RAPGEF5: variants seen among roughly 807,000 people sequenced by gnomAD.
RAPGEF5 encodes the protein Rap guanine nucleotide exchange factor 5, also known as M-Ras-regulated GEF.
In RAPGEF5, 65 loss-of-function variants were observed where a neutral mutation model predicts 125.2. That is an observed-to-expected ratio of 0.52 (90% CI 0.43 to 0.64). The LOEUF (loss-of-function observed/expected upper bound fraction) is 0.64, where lower values mean the gene tolerates loss of function less well. RAPGEF5 is among the 30% of genes least tolerant of loss of function. RAPGEF5 has a pLI of 0.00. For missense variants in RAPGEF5, 958 were observed against 1,048.1 expected, an observed-to-expected ratio of 0.91 and a Z score of 1.19; for synonymous variants, 391 against 385.9, an observed-to-expected ratio of 1.01 and a Z score of -0.16.
chr7:22,356,299 C>T, intron 1 of RAPGEF5: 1 of 976,522 alleles, frequency 1.0e-6, no homozygotes. Context: ...GACACCGGAA[C>T]CCAGGAACTG....
intron 1 of RAPGEF5, among the ~76,000 whole-genome samples, chr7:22,339,434 T>TAAGA (rs1195114288): frequency 6.6e-6 from 1 of 151,958 alleles, no homozygotes; most frequent in South Asian, 2.1e-4. Flanking sequence ...AATGTTTTAG[T>TAAGA]AAGAAAGAAA....
At chr7:22,331,638 G>A (rs760223309) in intron 1 of RAPGEF5, among the ~76,000 whole-genome samples, 4 of 151,854 alleles carry the variant, frequency 2.6e-5, no homozygotes, top group Non-Finnish European at 4.4e-5. Context: ...CCAGCTACTC[G>A]GGATGCTGAG....
At chr7:22,258,955 T>A (rs371413743) in intron 7 of RAPGEF5, among the ~76,000 whole-genome samples, 1 of 152,182 alleles carries the variant, frequency 6.6e-6, no homozygotes, top group African/African-American at 2.4e-5. Flanking sequence ...TTAGATTTGG[T>A]GATGACTTTG....
chr7:22,332,011 G>A (rs7791312), intron 1 of RAPGEF5, among the ~76,000 whole-genome samples: 9,423 of 152,120 alleles, frequency 0.062, 437 homozygotes, highest in African/African-American at 0.13. Context: ...CATGATTCTG[G>A]AGATTGGTTG....
chr7:22,239,769 G>A (rs556437384), intron 7 of RAPGEF5, among the ~76,000 whole-genome samples: 17 of 152,180 alleles, frequency 1.1e-4, no homozygotes, highest in African/African-American at 4.1e-4. Flanking sequence ...TGATAATGTC[G>A]TTAGAGCAAA....
intron 9 of RAPGEF5, among the ~76,000 whole-genome samples, chr7:22,202,085 C>A (rs1418706853): frequency 6.6e-6 from 1 of 152,068 alleles, no homozygotes; most frequent in Non-Finnish European, 1.5e-5. Flanking sequence ...GAACTAAGTC[C>A]GAGGGGTAGG....
intron 18 of RAPGEF5, among the ~76,000 whole-genome samples, chr7:22,147,264 C>A (rs1308405817): frequency 6.6e-6 from 1 of 152,194 alleles, no homozygotes. Context: ...TCTCTCTCCC[C>A]TACCCCCACG....
chr7:22,189,052 T>TAAAA (rs11434267), intron 11 of RAPGEF5, among the ~76,000 whole-genome samples: 2 of 126,170 alleles, frequency 1.6e-5, no homozygotes, highest in Non-Finnish European at 1.6e-5. Context: ...CTCATGAAAT[T>TAAAA]AAAAAAAAAA....
chr7:22,216,054 G>C (rs1322812424), intron 9 of RAPGEF5, among the ~76,000 whole-genome samples: 1 of 152,192 alleles, frequency 6.6e-6, no homozygotes. Flanking sequence ...CCCATTGCTA[G>C]TCACTGAATT....
chr7:22,320,916 T>C (rs6947075), intron 1 of RAPGEF5, among the ~76,000 whole-genome samples: 120,992 of 152,018 alleles, frequency 0.8, 48,724 homozygotes, highest in East Asian at 1. Context: ...CTTAGATGGC[T>C]GGTCACTCGA....
At chr7:22,139,492 G>T (rs979700584) in intron 21 of RAPGEF5, among the ~76,000 whole-genome samples, 1 of 152,204 alleles carries the variant, frequency 6.6e-6, no homozygotes, top group Non-Finnish European at 1.5e-5. Flanking sequence ...GACCTTGTGC[G>T]AACTTGAGTG....
At chr7:22,222,408 T>C (rs534205130) in intron 8 of RAPGEF5, among the ~76,000 whole-genome samples, 2 of 151,490 alleles carry the variant, frequency 1.3e-5, no homozygotes, top group Non-Finnish European at 2.9e-5. Flanking sequence ...CAAGGAAGGG[T>C]TTTCTAGTAA....
intron 11 of RAPGEF5, among the ~76,000 whole-genome samples, chr7:22,180,124 G>A (rs945806299): frequency 1.5e-4 from 23 of 152,086 alleles, no homozygotes; most frequent in Admixed American, 5.9e-4. Context: ...TATACAATGC[G>A]TTAAAACATA....
intron 22 of RAPGEF5, 78 bp from the exon 23 acceptor site, chr7:22,136,203 A>T: frequency 9.6e-7 from 1 of 1,046,538 alleles, no homozygotes; most frequent in Non-Finnish European, 1.4e-6. Context: ...CCTTTGCTAC[A>T]CAATTTGAAC....
chr7:22,188,325 T>C (rs1330176523), intron 11 of RAPGEF5, among the ~76,000 whole-genome samples: 4 of 152,206 alleles, frequency 2.6e-5, no homozygotes, highest in African/African-American at 4.8e-5. Context: ...AGAAGAAAGA[T>C]ATTCTTAATT....
At chr7:22,259,473 T>C (rs1290834148) in intron 7 of RAPGEF5, among the ~76,000 whole-genome samples, 1 of 152,200 alleles carries the variant, frequency 6.6e-6, no homozygotes. Flanking sequence ...TAACATACTC[T>C]TAACACATGA....
chr7:22,342,442 G>C (rs2128387189), intron 1 of RAPGEF5, among the ~76,000 whole-genome samples: 1 of 152,292 alleles, frequency 6.6e-6, no homozygotes. Context: ...CCATTGTCTT[G>C]GGGATTAACA....
Position 22,308,476 on chromosome 7 carries a change from A to G in RAPGEF5, c.543T>C (p.Tyr181=), listed in dbSNP as rs769740962. 13 of 1,566,264 alleles carry G rather than the reference A, an allele frequency of 8.3e-6. No individual in the cohort carries two copies. The South Asian group carries it at 1.1e-4, about 13-fold the overall frequency. ...CATCAGAGGAAAACTGGTAGAAAAC[A>G]TAAGTATCTTGAAAGTATAGATGCT... ...VDQHLYFQDT[Y]VFYQFSSDEC... Residue 181 remains tyrosine (Y), a synonymous_variant, in exon 5 of 26, where the codon TAT becomes TAC. Transcript: ENST00000665637.
At chr7:22,310,662 G>T (rs1783447769) in intron 3 of RAPGEF5, among the ~76,000 whole-genome samples, 1 of 151,764 alleles carries the variant, frequency 6.6e-6, no homozygotes, top group South Asian at 2.1e-4. Context: ...GTTGTATAGA[G>T]TTTGTTTGCT....
Sources: allele counts gnomAD v4.1 joint callset (sites outside exome capture counted in the v4.1 genomes callset), GRCh38; gene constraint gnomAD v4.1.1; transcripts MANE v1.5; gene names NCBI Gene and HGNC (gene_info 2026-07-23, HGNC 2026-07-21).